DENND1A: variants seen among roughly 807,000 people sequenced by gnomAD.
DENND1A encodes the protein DENN domain containing 1A.
A neutral mutation model predicts 113.7 loss-of-function variants in DENND1A; 51 were observed. That is an observed-to-expected ratio of 0.45 (90% CI 0.36 to 0.57). The LOEUF is 0.57. Among genes scored for constraint, DENND1A ranks in the 20% least tolerant of loss-of-function variants. The probability of loss-of-function intolerance (pLI) is 0.00; values close to 1 mark genes in which losing one functional copy is unlikely to be tolerated. For missense variants in DENND1A, 1,258 were observed against 1,395.9 expected, an observed-to-expected ratio of 0.90 and a Z score of 1.57; for synonymous variants, 565 against 570.8, an observed-to-expected ratio of 0.99 and a Z score of 0.14.
At chr9:123,518,154 C>A (rs143907132) in intron 13 of DENND1A, among the ~76,000 whole-genome samples, 1 of 152,166 alleles carries the variant, frequency 6.6e-6, no homozygotes, top group African/African-American at 2.4e-5. Flanking sequence ...TAAACTGGCA[C>A]AAAGGACCTT....
At chr9:123,818,383 C>T (rs1837865015) in intron 2 of DENND1A, among the ~76,000 whole-genome samples, 1 of 152,036 alleles carries the variant, frequency 6.6e-6, no homozygotes, top group East Asian at 1.9e-4. Flanking sequence ...GGATTACAGG[C>T]GTGAGCCACC....
Position 123,381,735 on chromosome 9 carries a change from C to T in DENND1A, c.2910G>A (p.Gln970=). 1.3e-6 allele frequency: 2 copies of T among 1,520,380 alleles called. No individual in the cohort carries two copies. Among genetic ancestry groups the T allele is most frequent in the Non-Finnish European group, 1.8e-6 (2 of 1,133,842 alleles). The allele number at this position is 1,520,380 out of a possible 1,614,324, so 94.2% of individuals were successfully genotyped here. A position where few individuals can be genotyped will look rare whatever the true frequency, so the allele number is the denominator to read the frequency against. ...GGGCAACTGCTGGGGGACCCAGCGG[C>T]TGTAGGGGGCTCGTGTGGGTGCCCA... The part of the protein sequence containing the change: ...MPMGTHTSPL[Q]PLGPPAVAPS... The change falls in exon 24 of 24, where the codon CAG becomes CAA. Residue 970 remains glutamine (Q), a synonymous_variant. Coordinates refer to ENST00000394215, the MANE Select transcript of DENND1A (RefSeq NM_001352964.2). This position sits in a 1 kb window ranked among gnomAD's most constrained non-coding sequence, Gnocchi z 4.7.
intron 7 of DENND1A, among the ~76,000 whole-genome samples, chr9:123,668,314 C>T (rs1304790950): frequency 6.6e-6 from 1 of 152,116 alleles, no homozygotes; most frequent in African/African-American, 2.4e-5. Flanking sequence ...GTTGTATAGG[C>T]TTTCTGAAAT....
At chr9:123,825,959 G>T (rs1839260953) in intron 2 of DENND1A, among the ~76,000 whole-genome samples, 1 of 152,234 alleles carries the variant, frequency 6.6e-6, no homozygotes, top group Non-Finnish European at 1.5e-5. Flanking sequence ...CTGCTGCCAT[G>T]AGAAAAGGAT....
chr9:123,383,806 G>A lies in DENND1A; in HGVS notation c.1868C>T (p.Pro623Leu). 6.2e-7 allele frequency: 1 copy of A among 1,614,000 alleles called. No homozygotes were observed. Among genetic ancestry groups the A allele is most frequent in the Non-Finnish European group, 8.5e-7 (1 of 1,180,038 alleles). Reference sequence around the variant, plus strand: ...AAGGTCGATGCTGGCAGCCCGGTCAGGGGGAGCTGGGACAGGGCCTGTGGA... The same window carrying A: ...AAGGTCGATGCTGGCAGCCCGGTCAAGGGGAGCTGGGACAGGGCCTGTGGA... The part of the protein sequence containing the change: ...RKSTGPVPAP[P>L]DRAASIDLLE... Residue 623 changes from proline (P) to leucine (L), a missense_variant, in exon 23 of 24, where the codon CCT (proline) becomes CTT (leucine). Physicochemically the swap from Pro to Leu is moderately conservative, Grantham distance 98. This residue lies in a region of DENND1A where 1,159 missense variants were observed against 1,231.7 expected (regional missense o/e 0.94). Coordinates refer to ENST00000394215, the MANE Select transcript of DENND1A (RefSeq NM_001352964.2).
rs112144917 is a variant in DENND1A at position 123,790,295 on chromosome 9, T to C, written c.132+2292A>G. Among the ~76,000 whole-genome samples, 633 of 152,134 alleles carry C rather than the reference T, an allele frequency of 4.2e-3. 5 individuals are homozygous for C. Among genetic ancestry groups the C allele is most frequent in the Non-Finnish European group, 3.5e-3 (235 of 67,986 alleles). On this transcript the variant is annotated intron_variant, in intron 3 of 23. Transcript: ENST00000394215. The stretch of plus-strand genomic sequence containing the variant: ...AGTTCTCACTTTCTTTCCCAGTAGA[T>C]ACAACTCTCAAACATATTTCTGGGA...
At chr9:123,691,288 T>G (rs1043475197) in intron 5 of DENND1A, among the ~76,000 whole-genome samples, 2 of 152,128 alleles carry the variant, frequency 1.3e-5, no homozygotes, top group Non-Finnish European at 2.9e-5. Context: ...GGAAGAGACC[T>G]GCAAAGGATG....
chr9:123,457,835 C>T lies in DENND1A; in HGVS notation c.1056G>A (p.Arg352=), dbSNP rs61736953. ...FVSHYRSGAM[R]QFLQNATQLQ... ...GCTGTGTGGCGTTCTGCAGGAACTG[C>T]CTCATGGCTCCGGAGCGGTAGTGGG... The change falls in exon 14 of 24, where the codon AGG becomes AGA. Residue 352 remains arginine, a synonymous_variant. Coordinates refer to ENST00000394215, the MANE Select transcript of DENND1A (RefSeq NM_001352964.2). The T allele has an allele frequency of 0.077, 124,047 of 1,612,244 alleles. 5,345 individuals carry two copies. The highest frequency in any genetic ancestry group is 0.14 in the Middle Eastern group (875 of 6,054).
At chr9:123,635,952 C>G (rs1442429134) in intron 9 of DENND1A, among the ~76,000 whole-genome samples, 1 of 152,214 alleles carries the variant, frequency 6.6e-6, no homozygotes, top group African/African-American at 2.4e-5. Flanking sequence ...TACAAGATTT[C>G]TGTGTTCCTT....
intron 13 of DENND1A, among the ~76,000 whole-genome samples, chr9:123,547,587 G>T (rs929383974): frequency 6.6e-6 from 1 of 151,866 alleles, no homozygotes; most frequent in Non-Finnish European, 1.5e-5. Context: ...TCAACTCTTG[G>T]TACCTTCCAC....
At chr9:123,904,307 G>A (rs1240787914) in intron 1 of DENND1A, among the ~76,000 whole-genome samples, 1 of 151,876 alleles carries the variant, frequency 6.6e-6, no homozygotes, top group Non-Finnish European at 1.5e-5. Context: ...AAAACGCAGA[G>A]CGTCTCTCCT....
intron 1 of DENND1A, among the ~76,000 whole-genome samples, chr9:123,905,017 A>C (rs952813895): frequency 6.6e-6 from 1 of 152,234 alleles, no homozygotes; most frequent in Admixed American, 6.5e-5. Context: ...TCTCAGCAGA[A>C]ACCCTACAAG....
chr9:123,781,304 G>T (rs1167669237), intron 3 of DENND1A, among the ~76,000 whole-genome samples: 1 of 152,156 alleles, frequency 6.6e-6, no homozygotes, highest in Non-Finnish European at 1.5e-5. Context: ...TCCTGGATTG[G>T]ATGCTATGGC....
intron 4 of DENND1A, among the ~76,000 whole-genome samples, chr9:123,766,236 C>T (rs780257641): frequency 5.3e-5 from 8 of 152,146 alleles, no homozygotes; most frequent in Non-Finnish European, 1.0e-4. Flanking sequence ...TACAAGTCTC[C>T]CCCACCATAA....
At chr9:123,818,563 C>CATATATATAT (rs1294531008) in intron 2 of DENND1A, among the ~76,000 whole-genome samples, 2 of 56,944 alleles carry the variant, frequency 3.5e-5, no homozygotes, top group African/African-American at 8.0e-5. Flanking sequence ...CACACACACA[C>CATATATATAT]ACACATATAT....
intron 13 of DENND1A, chr9:123,485,656 G>GCGCGCACACACACACACA (rs765633751): frequency 2.4e-4 from 34 of 141,228 alleles, no homozygotes; most frequent in Non-Finnish European, 3.5e-4. Context: ...GCGCGCGCGC[G>GCGCGCACACACACACACA]CACACACACA....
chr9:123,512,486 A>G (rs1367879971), intron 13 of DENND1A, among the ~76,000 whole-genome samples: 4 of 152,204 alleles, frequency 2.6e-5, no homozygotes, highest in Admixed American at 6.5e-5. Context: ...TGGAGATTCA[A>G]ATGAGGAGAG....
intron 5 of DENND1A, among the ~76,000 whole-genome samples, chr9:123,699,856 C>G: frequency 6.6e-6 from 1 of 152,058 alleles, no homozygotes; most frequent in Non-Finnish European, 1.5e-5. Flanking sequence ...TGCCAACACA[C>G]CCAGCTAATT....
At chr9:123,495,153 CTCTCTCT>C (rs1280032901) in intron 13 of DENND1A, among the ~76,000 whole-genome samples, 1 of 150,906 alleles carries the variant, frequency 6.6e-6, no homozygotes, top group East Asian at 1.9e-4. Flanking sequence ...CTCTCTCTCT[CTCTCTCT>C]CTCTCTCTCT....
Sources: gnomAD v4.1 joint callset for allele counts (sites outside exome capture counted in the v4.1 genomes callset) on GRCh38, gnomAD v4.1.1 for gene constraint, gnomAD v4.1.1 regional missense constraint, Gnocchi (gnomAD v3.1) non-coding constraint, MANE v1.5 for transcripts, NCBI Gene and HGNC (gene_info 2026-07-23, HGNC 2026-07-21) for gene names.